SMC4: variants seen among roughly 807,000 people sequenced by gnomAD.
SMC4 encodes structural maintenance of chromosomes 4.
SMC4 carries 87 observed loss-of-function variants against 145.6 expected under a neutral mutation model. The ratio of observed to expected loss-of-function variants is 0.60; its 90% CI spans 0.50 to 0.71. SMC4 has a LOEUF of 0.71. SMC4 is among the 30% of genes least tolerant of loss of function. SMC4 has a pLI of 0.00. For missense variants in SMC4, 1,447 were observed against 1,537.1 expected (o/e 0.94, Z 0.98); for synonymous variants, 558 against 500.7 (o/e 1.11, Z -1.53).
chr3:160,420,576 A>G (rs770375867), intron 12 of SMC4, 164 bp from the exon 13 acceptor site: 43 of 564,344 alleles, frequency 7.6e-5, no homozygotes, highest in Non-Finnish European at 1.0e-4. Context: ...CTGCATATTC[A>G]TAAACTTATA....
At chr3:160,402,574 T>C in intron 3 of SMC4, 102 bp from the exon 4 acceptor site, 1 of 1,234,746 alleles carries the variant, frequency 8.1e-7, no homozygotes. Context: ...ACTTGCAGTT[T>C]TTAACTGCAA....
chr3:160,430,232 CCTTGT>C (rs1163901569), intron 18 of SMC4, among the ~76,000 whole-genome samples: 1 of 138,846 alleles, frequency 7.2e-6, no homozygotes, highest in African/African-American at 2.7e-5. Flanking sequence ...GTACTTGTTG[CCTTGT>C]CTTGAATTGG....
At position 160,414,400 on chromosome 3, in the gene SMC4, G is replaced by A; in HGVS notation, c.1155G>A (p.Glu385=). ...ATAAAATTACAAAATTTATTGAGGA[G>A]AATAAAGAAAAATTTACACAGCTAG... The part of the protein sequence containing the change: ...KLNKITKFIE[E]NKEKFTQLDL... Residue 385 remains glutamate (E), a synonymous_variant, in exon 9 of 24, where the codon GAG becomes GAA. Coordinates refer to ENST00000357388, the MANE Select transcript of SMC4 (RefSeq NM_001002800.3). The A allele has an allele frequency of 6.2e-7, 1 of 1,605,982 alleles. No individual in the cohort carries two copies. Among genetic ancestry groups the A allele is most frequent in the Non-Finnish European group, 8.5e-7 (1 of 1,174,974 alleles).
intron 5 of SMC4, among the ~76,000 whole-genome samples, chr3:160,406,081 C>T (rs2108452632): frequency 6.6e-6 from 1 of 152,142 alleles, no homozygotes; most frequent in Non-Finnish European, 1.5e-5. Context: ...AATATTGTCC[C>T]AACGAAGTAA....
At chr3:160,420,526 GAA>G in intron 12 of SMC4, 1 of 450,428 alleles carries the variant, frequency 2.2e-6, no homozygotes, top group Non-Finnish European at 3.9e-6. Context: ...TTCATAAAAT[GAA>G]AACAGTTCTT....
intron 5 of SMC4, among the ~76,000 whole-genome samples, chr3:160,409,392 C>CT (rs1180332192): frequency 6.7e-6 from 1 of 149,450 alleles, no homozygotes; most frequent in African/African-American, 2.5e-5. Context: ...GAAATCATAG[C>CT]TGTATCTTTC....
At chr3:160,409,305 T>C (rs1302955193) in intron 5 of SMC4, among the ~76,000 whole-genome samples, 1 of 144,080 alleles carries the variant, frequency 6.9e-6, no homozygotes, top group Non-Finnish European at 1.5e-5. Context: ...CTGAATGTTA[T>C]ACAGGAGTTG....
chr3:160,420,549 C>T, intron 12 of SMC4, 191 bp from the exon 13 acceptor site: 3 of 467,960 alleles, frequency 6.4e-6, no homozygotes, highest in South Asian at 3.7e-5. Flanking sequence ...TCATTTTGTG[C>T]TCATTAGAAA....
Position 160,400,930 on chromosome 3 carries a change from C to A in SMC4, c.104C>A (p.Pro35Gln), listed in dbSNP as rs1466660440. 3 of 1,469,746 alleles carry A rather than the reference C, an allele frequency of 2.0e-6. No homozygotes were observed. The highest frequency in any genetic ancestry group is 2.9e-5 in the East Asian group (1 of 34,394). 91.0% of individuals were successfully genotyped at this position (1,469,746 alleles called of 1,614,324 possible). ...AGCAGCGACGCGGAGCCTGAGCCGC[C>A]GTCCGGCCGCACGGAGAGCCCAGCC... is the stretch of plus-strand genomic sequence containing the variant. ...GASSDAEPEP[P>Q]SGRTESPATA... Residue 35 changes from proline to glutamine, a missense_variant, in exon 2 of 24, where the codon CCG (proline) becomes CAG (glutamine). Physicochemically the swap from Pro to Gln is moderately conservative, Grantham distance 76 (BLOSUM62 -1). Transcript: ENST00000357388.
chr3:160,412,022 A>C lies in SMC4; in HGVS notation c.790A>C (p.Asn264His). The C allele has an allele frequency of 6.2e-7, 1 of 1,613,706 alleles. No individual in the cohort carries two copies. ...AGATATAATTGGTTGTGGACGGCTA[A>C]ATGAACCTATTAAAGTCTTGTGTCG... ...LEDIIGCGRL[N>H]EPIKVLCRRV... The change falls in exon 6 of 24, where the codon AAT (asparagine) becomes CAT (histidine). Residue 264 changes from asparagine to histidine, a missense_variant. Asn to His is a moderately conservative substitution (Grantham distance 68). Transcript: ENST00000357388.
At chr3:160,426,007 T>A (rs1335937554) in intron 16 of SMC4, 67 bp from the exon 17 acceptor site, 1 of 1,281,044 alleles carries the variant, frequency 7.8e-7, no homozygotes, top group Non-Finnish European at 1.1e-6. Context: ...AGTGCCCTTT[T>A]TAAAAATTCA....
Position 160,424,898 on chromosome 3 carries a change from A to G in SMC4, c.2357A>G (p.Asp786Gly), listed in dbSNP as rs531200523. The change falls in exon 16 of 24, where the codon GAC becomes GGC. Residue 786 changes from aspartate (D) to glycine (G), a missense_variant. Transcript: ENST00000357388. Reference sequence around the variant, plus strand: ...AAAATGGAATCACAGTTGCAAAACGACTCTAAAAAAGCAATGCAAATCCAA... The same window carrying G: ...AAAATGGAATCACAGTTGCAAAACGGCTCTAAAAAAGCAATGCAAATCCAA... ...VNKMESQLQN[D>G]SKKAMQIQEQ... 2.5e-6 allele frequency: 4 copies of G among 1,613,976 alleles called. No homozygotes were observed. In the South Asian group the frequency reaches 4.4e-5, roughly 18 times the overall value.
Position 160,411,981 on chromosome 3 carries a change from T to C in SMC4, c.749T>C (p.Met250Thr). ...GGCCAGACTGAACACGATGAGGGTATGCTTGAATATTTAGAAGATATAATT... is the reference window on the plus strand; with the variant it reads ...GGCCAGACTGAACACGATGAGGGTACGCTTGAATATTTAGAAGATATAATT... The part of the protein sequence containing the change: ...PKGQTEHDEG[M>T]LEYLEDIIGC... Residue 250 changes from methionine to threonine, a missense_variant, in exon 6 of 24, where the codon ATG becomes ACG. Physicochemically the swap from Met to Thr is moderately conservative, Grantham distance 81. Transcript: ENST00000357388. 1 of 1,613,656 alleles carries C rather than the reference T, an allele frequency of 6.2e-7. No individual in the cohort carries two copies. Among genetic ancestry groups the C allele is most frequent in the Non-Finnish European group, 8.5e-7 (1 of 1,179,758 alleles).
At chr3:160,418,742 C>A (rs1716849311) in intron 11 of SMC4, among the ~76,000 whole-genome samples, 1 of 152,036 alleles carries the variant, frequency 6.6e-6, no homozygotes, top group Admixed American at 6.6e-5. Flanking sequence ...TAATTTAAAT[C>A]TAGTGGATGG....
At position 160,433,745 on chromosome 3, in the gene SMC4, C is replaced by CT; in HGVS notation, c.3803_3804insT (p.Tyr1269IlefsTer17). 2 of 1,598,390 alleles carry CT rather than the reference C, an allele frequency of 1.3e-6. No homozygotes were observed. The highest frequency in any genetic ancestry group is 1.7e-6 in the Non-Finnish European group (2 of 1,171,880). On this transcript the variant is annotated frameshift_variant, in exon 24 of 24. Transcript: ENST00000357388. LOFTEE classifies it high-confidence loss of function. ...GATAGACTTATTGGAATTTACAAGA[C>CT]ATACAACATAACAAAAAGTGTTGCT...
chr3:160,432,881 A>G, intron 22 of SMC4, 145 bp from the exon 23 acceptor site: 1 of 628,202 alleles, frequency 1.6e-6, no homozygotes, highest in Non-Finnish European at 2.8e-6. Flanking sequence ...TTTTTATAAA[A>G]TAACAGAAAA....
intron 8 of SMC4, 177 bp from the exon 9 acceptor site, chr3:160,414,190 A>G (rs1480128664): frequency 1.6e-6 from 1 of 634,386 alleles, no homozygotes; most frequent in Admixed American, 2.1e-5. Context: ...ATAATCAAAA[A>G]TACAGGTGCT....
At chr3:160,425,512 C>G (rs1352897708) in intron 16 of SMC4, among the ~76,000 whole-genome samples, 1 of 151,892 alleles carries the variant, frequency 6.6e-6, no homozygotes, top group Non-Finnish European at 1.5e-5. Context: ...TAATGTCATA[C>G]TAGCTTTTCT....
At chr3:160,400,106 C>CT (rs1327848715) in intron 1 of SMC4, 1 of 152,340 alleles carries the variant, frequency 6.6e-6, no homozygotes, top group Non-Finnish European at 1.5e-5. Flanking sequence ...CGCTGGTGAC[C>CT]TTTCATGGTT....
Sources: gnomAD v4.1 joint callset for allele counts (sites outside exome capture counted in the v4.1 genomes callset) on GRCh38, gnomAD v4.1.1 for gene constraint, MANE v1.5 for transcripts, NCBI Gene and HGNC (gene_info 2026-07-23, HGNC 2026-07-21) for gene names.